The following TACC3 variants were observed in gnomAD, a reference collection of about 807,000 sequenced individuals.
The protein encoded by TACC3 is transforming acidic coiled-coil containing protein 3.
Under a neutral mutation model 86.0 loss-of-function variants are expected in TACC3, and 52 were observed. The ratio of observed to expected loss-of-function variants is 0.60; its 90% CI spans 0.48 to 0.76. The LOEUF (loss-of-function observed/expected upper bound fraction) is 0.76. TACC3 is among the 30% of genes least tolerant of loss of function. The pLI, the probability that TACC3 is intolerant of heterozygous loss-of-function variation, is 0.00. For missense variants in TACC3, 1,120 were observed against 1,070.4 expected (o/e 1.05, Z -0.65); for synonymous variants, 512 against 430.0 (o/e 1.19, Z -2.36).
chr4:1,720,774 T>C (rs747079140), upstream of TACC3: 1 of 1,593,542 alleles, frequency 6.3e-7, no homozygotes, highest in South Asian at 1.1e-5. This position sits in a 1 kb window ranked among gnomAD's most constrained non-coding sequence, Gnocchi z 4.4. Flanking sequence ...TCGTTGGGCG[T>C]GAACACGAAG....
At chr4:1,739,892 A>T in intron 11 of TACC3, 67 bp from the exon 12 acceptor site, 1 of 1,491,452 alleles carries the variant, frequency 6.7e-7, no homozygotes, top group Non-Finnish European at 8.9e-7. Flanking sequence ...CCCCGTCCCC[A>T]TCCCCACCTG....
chr4:1,736,988 G>A (rs1033549698), intron 8 of TACC3, among the ~76,000 whole-genome samples: 2 of 152,200 alleles, frequency 1.3e-5, no homozygotes, highest in East Asian at 1.9e-4. Flanking sequence ...AGCCTGCAGT[G>A]GGTAATGAAG....
chr4:1,739,475 C>T (rs1718456258), intron 10 of TACC3: 1 of 577,876 alleles, frequency 1.7e-6, no homozygotes, highest in Non-Finnish European at 3.1e-6. Context: ...CCCAGGAGCA[C>T]AGCCAGCAGC....
Position 1,731,307 on chromosome 4 carries a change from T to G in TACC3, c.1591+6T>G. The G allele has an allele frequency of 6.2e-7, 1 of 1,612,808 alleles. No individual in the cohort carries two copies. The highest frequency in any genetic ancestry group is 8.5e-7 in the Non-Finnish European group (1 of 1,179,912). On this transcript the variant is annotated splice_donor_region_variant and intron_variant, in intron 6 of 15. Coordinates refer to ENST00000313288, the MANE Select transcript of TACC3 (RefSeq NM_006342.3). ...CTTCAGAGACCCCGCTGAGGGTACG[T>G]TGCCTGGCACAGACGTCACACACAG...
chr4:1,728,458 C>A lies in TACC3; in HGVS notation c.1056C>A (p.Pro352=). The change falls in exon 4 of 16, where the codon CCC becomes CCA. Residue 352 remains proline, a synonymous_variant. Transcript: ENST00000313288. ...VSDGATSKRA[P]PPRRLGERSG... ...ATGGCGCCACCAGCAAAAGGGCACC[C>A]CCACCAAGGAGACTGGGAGAGAGGT... The A allele has an allele frequency of 1.9e-6, 3 of 1,613,854 alleles. No homozygotes were observed. Among genetic ancestry groups the A allele is most frequent in the Non-Finnish European group, 2.5e-6 (3 of 1,180,000 alleles).
rs750516274 is a variant in TACC3 at position 1,739,967 on chromosome 4, T to C, written c.2027T>C (p.Met676Thr). 1.2e-6 allele frequency: 2 copies of C among 1,613,126 alleles called. No homozygotes were observed. The highest frequency in any genetic ancestry group is 1.7e-6 in the Non-Finnish European group (2 of 1,180,000). The part of the protein sequence containing the change: ...HGKNLELGKI[M>T]DRFEEVVYQA... ...CTGTTCTCCTCCCACAGGAAGATCA[T>C]GGACAGGTTCGAAGAGGTTGTGTAC... is the stretch of plus-strand genomic sequence containing the variant. Residue 676 changes from methionine (M) to threonine (T), a missense_variant, in exon 12 of 16, where the codon ATG becomes ACG. Transcript: ENST00000313288.
intron 13 of TACC3, among the ~76,000 whole-genome samples, chr4:1,744,246 A>G (rs1718732889): frequency 6.6e-6 from 1 of 152,216 alleles, no homozygotes; most frequent in Non-Finnish European, 1.5e-5. Flanking sequence ...GTGCCAGCAG[A>G]GGCTGCAGGT....
chr4:1,731,404 G>A (rs143682233), intron 6 of TACC3, 103 bp downstream of exon 6: 17 of 1,395,758 alleles, frequency 1.2e-5, no homozygotes, highest in African/African-American at 1.1e-4. Flanking sequence ...TGGTCATTTC[G>A]CAGGCAGTTG....
intron 12 of TACC3, chr4:1,740,272 A>G (rs1440081637): frequency 2.8e-5 from 16 of 561,858 alleles, no homozygotes; most frequent in Non-Finnish European, 4.8e-5. Context: ...CTGTGGTGGG[A>G]GCAGAGTCTG....
Position 1,723,541 on chromosome 4 carries a change from G to A in TACC3, c.120G>A (p.Gln40=). 2 of 1,613,726 alleles carry A rather than the reference G, an allele frequency of 1.2e-6. No homozygotes were observed. The highest frequency in any genetic ancestry group is 1.7e-6 in the Non-Finnish European group (2 of 1,179,948). Residue 40 remains glutamine, a synonymous_variant, in exon 2 of 16, where the codon CAG becomes CAA. Coordinates refer to ENST00000313288, the MANE Select transcript of TACC3 (RefSeq NM_006342.3). ...GATCGTCTGTTCTTCGTGTGTCACA[G>A]AAAGAAAATGTGCCACCCAAGAACC... ...TGRSSVLRVS[Q]KENVPPKNLA... is the part of the protein sequence containing the mutation.
At chr4:1,734,082 A>G (rs1165577209) in intron 6 of TACC3, among the ~76,000 whole-genome samples, 2 of 152,228 alleles carry the variant, frequency 1.3e-5, no homozygotes, top group Non-Finnish European at 2.9e-5. Flanking sequence ...TTAATTGAGA[A>G]AAGGAGAGAA....
At chr4:1,720,953 G>A (rs1218516713), upstream of TACC3, 3 of 771,406 alleles carry the variant, frequency 3.9e-6, no homozygotes, top group Non-Finnish European at 5.4e-6. The surrounding 1 kb of genome is among the most constrained non-coding windows in gnomAD (Gnocchi z 4.4). Flanking sequence ...CGCCCGCGGG[G>A]CACTCTAGGA....
At chr4:1,742,473 C>T (rs1267318106) in intron 13 of TACC3, among the ~76,000 whole-genome samples, 1 of 152,240 alleles carries the variant, frequency 6.6e-6, no homozygotes, top group Admixed American at 6.5e-5. Flanking sequence ...TTGGACGACC[C>T]AGTGCAGACT....
chr4:1,721,678 G>A (rs1464415481), intron 1 of TACC3, 35 bp downstream of exon 1: 1 of 151,932 alleles, frequency 6.6e-6, no homozygotes, highest in Non-Finnish European at 1.5e-5. Flanking sequence ...GGGAGGCTGG[G>A]GTCCTGGGGG....
At chr4:1,740,144 G>A (rs911017361) in intron 12 of TACC3, 142 bp downstream of exon 12, 17 of 786,552 alleles carry the variant, frequency 2.2e-5, no homozygotes, top group Middle Eastern at 2.5e-4. Context: ...ACATGGGCCC[G>A]GCCGTGGAAG....
At position 1,737,293 on chromosome 4, in the gene TACC3, G is replaced by T; in HGVS notation, c.1801G>T (p.Val601Leu). Residue 601 changes from valine (V) to leucine (L), a missense_variant, in exon 9 of 16, where the codon GTG becomes TTG. Physicochemically the swap from Val to Leu is conservative, Grantham distance 32. Transcript: ENST00000313288. Reference protein sequence around the residue: ...PSGRPREAKLVEFDFLGALDI... With the variant: ...PSGRPREAKLLEFDFLGALDI... ...AGGACGTCCGCGGGAAGCCAAGCTT[G>T]TGGAGTTCGATTTCTTGGGAGCACT... is the stretch of plus-strand genomic sequence containing the variant. The T allele has an allele frequency of 6.2e-7, 1 of 1,614,162 alleles. No individual in the cohort carries two copies. Among genetic ancestry groups the T allele is most frequent in the South Asian group, 1.1e-5 (1 of 91,088 alleles).
At chr4:1,738,157 G>C (rs1718386222) in intron 10 of TACC3, 1 of 330,568 alleles carries the variant, frequency 3.0e-6, no homozygotes, top group African/African-American at 2.2e-5. Context: ...CCAGGCTTCA[G>C]CCTGTTCTAA....
intron 6 of TACC3, among the ~76,000 whole-genome samples, chr4:1,732,836 T>C (rs1248692936): frequency 1.3e-5 from 2 of 152,252 alleles, no homozygotes; most frequent in Non-Finnish European, 2.9e-5. Context: ...CATCATCTTA[T>C]CCATTCATTC....
At chr4:1,722,127 C>T (rs1342889155) in intron 1 of TACC3, among the ~76,000 whole-genome samples, 2 of 152,192 alleles carry the variant, frequency 1.3e-5, no homozygotes, top group Non-Finnish European at 2.9e-5. Flanking sequence ...CGCACCGCAT[C>T]CCTCTTGTGC....
Sources: gnomAD v4.1 joint callset for allele counts (sites outside exome capture counted in the v4.1 genomes callset) on GRCh38, gnomAD v4.1.1 for gene constraint, Gnocchi (gnomAD v3.1) non-coding constraint, MANE v1.5 for transcripts, NCBI Gene and HGNC (gene_info 2026-07-23, HGNC 2026-07-21) for gene names.